PRKG1: variants seen among roughly 807,000 people sequenced by gnomAD.
PRKG1 encodes cGMP-dependent protein kinase 1.
In PRKG1, 35 loss-of-function variants were observed where a neutral mutation model predicts 88.1. The observed-to-expected ratio is 0.40, with a 90% confidence interval of 0.30 to 0.53. The LOEUF is 0.53. Among genes scored for constraint, PRKG1 ranks in the 20% least tolerant of loss-of-function variants. The pLI is 0.59. For missense variants in PRKG1, 540 were observed against 839.8 expected, an observed-to-expected ratio of 0.64 and a Z score of 4.41; for synonymous variants, 303 against 292.5, an observed-to-expected ratio of 1.04 and a Z score of -0.37.
At chr10:51,254,716 C>CAACTA (rs1839513218) in intron 2 of PRKG1, among the ~76,000 whole-genome samples, 1 of 151,912 alleles carries the variant, frequency 6.6e-6, no homozygotes, top group Non-Finnish European at 1.5e-5. Context: ...AGATGGAAAG[C>CAACTA]AACTAAGTCA....
intron 2 of PRKG1, among the ~76,000 whole-genome samples, chr10:51,408,575 G>C (rs1343841327): frequency 6.6e-6 from 1 of 152,184 alleles, no homozygotes; most frequent in Admixed American, 6.5e-5. Context: ...CTGCCACCAG[G>C]TGGCTGGCTG....
chr10:51,006,936 ATT>A (rs34941069), intron 1 of PRKG1, among the ~76,000 whole-genome samples: 1,235 of 116,744 alleles, frequency 0.011, 16 homozygotes, highest in African/African-American at 0.031. Flanking sequence ...AGGGCCTGAG[ATT>A]TTTTTTTTTT....
chr10:51,858,897 A>G (rs188909548), intron 4 of PRKG1, among the ~76,000 whole-genome samples: 4 of 152,230 alleles, frequency 2.6e-5, no homozygotes, highest in Admixed American at 2.0e-4. Flanking sequence ...ATAGGCAAAC[A>G]GTTTTTCTCC....
intron 5 of PRKG1, among the ~76,000 whole-genome samples, chr10:51,918,188 A>C (rs1196744383): frequency 6.6e-6 from 1 of 152,162 alleles, no homozygotes; most frequent in Non-Finnish European, 1.5e-5. Flanking sequence ...ACCCTATGCA[A>C]TCCGACCCTG....
intron 2 of PRKG1, among the ~76,000 whole-genome samples, chr10:51,255,181 G>A (rs1434011513): frequency 6.6e-6 from 1 of 152,000 alleles, no homozygotes; most frequent in Non-Finnish European, 1.5e-5. Flanking sequence ...ATAATTTGTG[G>A]AATTCAATTT....
chr10:51,603,073 T>A (rs1400066182), intron 3 of PRKG1, among the ~76,000 whole-genome samples: 2 of 152,132 alleles, frequency 1.3e-5, no homozygotes, highest in African/African-American at 4.8e-5. Context: ...TTCTCCTGCC[T>A]CAACCTCCTG....
At chr10:51,639,436 C>CAAAAAAAAAAAA (rs769304908) in intron 3 of PRKG1, among the ~76,000 whole-genome samples, 3 of 31,796 alleles carry the variant, frequency 9.4e-5, no homozygotes, top group African/African-American at 1.8e-4. Context: ...GACTCCATCT[C>CAAAAAAAAAAAA]AAAAAAAAAA....
chr10:51,106,133 T>C (rs965425427), intron 1 of PRKG1, among the ~76,000 whole-genome samples: 1 of 152,230 alleles, frequency 6.6e-6, no homozygotes, highest in Non-Finnish European at 1.5e-5. Context: ...TGAAAGTTAA[T>C]ACTGAATTTT....
intron 8 of PRKG1, among the ~76,000 whole-genome samples, chr10:52,141,307 G>C (rs894983667): frequency 6.6e-6 from 1 of 152,132 alleles, no homozygotes; most frequent in African/African-American, 2.4e-5. Flanking sequence ...ATTCGAAAAG[G>C]AGTATACCCT....
At chr10:51,746,761 A>C (rs1287023042) in intron 3 of PRKG1, among the ~76,000 whole-genome samples, 1 of 151,124 alleles carries the variant, frequency 6.6e-6, no homozygotes, top group East Asian at 1.9e-4. Flanking sequence ...GAAAAGAAAG[A>C]AAAAAAAAGA....
At chr10:52,064,867 C>T (rs1846320672) in intron 7 of PRKG1, among the ~76,000 whole-genome samples, 2 of 152,194 alleles carry the variant, frequency 1.3e-5, no homozygotes, top group African/African-American at 4.8e-5. Context: ...CTGCCACTGC[C>T]ATCACAATGA....
intron 2 of PRKG1, among the ~76,000 whole-genome samples, chr10:51,340,866 G>A (rs1356655759): frequency 1.3e-5 from 2 of 152,138 alleles, no homozygotes; most frequent in African/African-American, 2.4e-5. Context: ...TGGGGTAAGA[G>A]GGTCATTTTA....
chr10:52,094,573 A>G (rs1042687322), intron 7 of PRKG1, among the ~76,000 whole-genome samples: 9 of 152,304 alleles, frequency 5.9e-5, no homozygotes, highest in Non-Finnish European at 1.2e-4. Context: ...TCACAACAAA[A>G]TACTGTAGCC....
intron 3 of PRKG1, among the ~76,000 whole-genome samples, chr10:51,563,317 C>T (rs1284104178): frequency 1.3e-5 from 2 of 152,062 alleles, no homozygotes; most frequent in African/African-American, 4.8e-5. Context: ...TTTAAATATA[C>T]AGAAATGATA....
At chr10:51,628,118 ATTTCTC>A (rs1839415882) in intron 3 of PRKG1, among the ~76,000 whole-genome samples, 1 of 48,224 alleles carries the variant, frequency 2.1e-5, no homozygotes, top group East Asian at 4.8e-4. Context: ...TTCCTTCTTT[ATTTCTC>A]TTTCTTTCTT....
intron 2 of PRKG1, among the ~76,000 whole-genome samples, chr10:51,256,164 G>A (rs1438912166): frequency 6.6e-6 from 1 of 152,070 alleles, no homozygotes; most frequent in African/African-American, 2.4e-5. Context: ...CTTTCTCAGG[G>A]AAGAGATCTC....
At position 51,895,639 on chromosome 10, in the gene PRKG1, A is replaced by C. The variant is rs150395063; in HGVS notation, c.699-11868A>C. Among the ~76,000 whole-genome samples, 802 of 152,194 alleles carry C rather than the reference A, an allele frequency of 5.3e-3. 9 individuals are homozygous for C. The highest frequency in any genetic ancestry group is 0.018 in the African/African-American group (743 of 41,522). On this transcript the variant is annotated intron_variant, in intron 4 of 17. Coordinates refer to ENST00000373980, the MANE Select transcript of PRKG1 (RefSeq NM_006258.4). ...GTTTATTCAAATATAAATTGTTAAAATATCTTCCCTATATTGTTCTCTTTT... is the reference window on the plus strand; with the variant it reads ...GTTTATTCAAATATAAATTGTTAAACTATCTTCCCTATATTGTTCTCTTTT...
chr10:51,973,877 G>T (rs1483746466), intron 5 of PRKG1, among the ~76,000 whole-genome samples: 6 of 152,190 alleles, frequency 3.9e-5, no homozygotes, highest in Non-Finnish European at 5.9e-5. Context: ...GCCTGGTTTT[G>T]TATGGCCCAG....
At chr10:51,370,812 A>G (rs1208403027) in intron 2 of PRKG1, among the ~76,000 whole-genome samples, 1 of 152,060 alleles carries the variant, frequency 6.6e-6, no homozygotes, top group African/African-American at 2.4e-5. Context: ...ATTAAGTCTT[A>G]GAAATCCTAT....
Sources: allele counts gnomAD v4.1 joint callset (sites outside exome capture counted in the v4.1 genomes callset), GRCh38; gene constraint gnomAD v4.1.1; transcripts MANE v1.5; gene names NCBI Gene and HGNC (gene_info 2026-07-23, HGNC 2026-07-21).